Variants in TRPV6 observed in about 807,000 individuals in gnomAD.
TRPV6 encodes Alu-binding protein with zinc finger domain.
Under a neutral mutation model 79.0 loss-of-function variants are expected in TRPV6, and 39 were observed. The observed-to-expected ratio is 0.49, with a 90% CI of 0.38 to 0.64. The LOEUF is 0.64. TRPV6 is among the 30% of genes least tolerant of loss of function. The pLI is 0.00. For missense variants in TRPV6, 813 were observed against 1,011.1 expected (o/e 0.80, Z 2.66); for synonymous variants, 373 against 391.9 (o/e 0.95, Z 0.57).
At chr7:142,883,523 A>C (rs572525141) in intron 1 of TRPV6, 1 of 152,276 alleles carries the variant, frequency 6.6e-6, no homozygotes, top group South Asian at 2.1e-4. Context: ...CCCACCTTCC[A>C]TTATTGTTAC....
At position 142,871,765 on chromosome 7, in the gene TRPV6, A is replaced by G. The variant is rs767866257; in HGVS notation, c.2240T>C (p.Leu747Pro). ...CAGACCCCTGTTGATTATCCCACGC[A>G]GGTCTCTCCTCAGGGTCCCTTGCCG... Residue 747 changes from leucine (L) to proline (P), a missense_variant, in exon 15 of 15, where the codon CTG becomes CCG. Transcript: ENST00000359396. 1.9e-6 allele frequency: 3 copies of G among 1,614,108 alleles called. No individual in the cohort carries two copies. The highest frequency in any genetic ancestry group is 1.3e-5 in the African/African-American group (1 of 75,034).
chr7:142,885,555 G>T lies in TRPV6; in HGVS notation c.82C>A (p.Pro28Thr). 1 of 1,569,726 alleles carries T rather than the reference G, an allele frequency of 6.4e-7. No individual in the cohort carries two copies. The highest frequency in any genetic ancestry group is 1.4e-5 in the African/African-American group (1 of 73,836). Residue 28 changes from proline to threonine, a missense_variant, in exon 1 of 15, where the codon CCT becomes ACT. Physicochemically the swap from Pro to Thr is conservative, Grantham distance 38. Transcript: ENST00000359396. ...GGCTCCTTGGGGGCCTGAGGCCGAG[G>T]CCAGACCCTGACGGGACTCAGCCTT...
intron 12 of TRPV6, 41 bp downstream of exon 12, chr7:142,874,035 C>A (rs1160221874): frequency 1.2e-6 from 2 of 1,603,480 alleles, no homozygotes; most frequent in African/African-American, 2.7e-5. Flanking sequence ...ACTTCCTCAT[C>A]TCTTCCCTGC....
Position 142,875,551 on chromosome 7 carries a change from A to G in TRPV6, c.1159T>C (p.Cys387Arg), listed in dbSNP as rs1233622433. 1 of 1,613,180 alleles carries G rather than the reference A, an allele frequency of 6.2e-7. No homozygotes were observed. The highest frequency in any genetic ancestry group is 1.1e-5 in the South Asian group (1 of 91,042). The stretch of plus-strand genomic sequence containing the variant: ...CTGGGCTTGAGGGGGCGGTAGATGC[A>G]GCACATGGTGAAGCAGATGATGTAC... The change falls in exon 8 of 15, where the codon TGC becomes CGC. Residue 387 changes from cysteine (C) to arginine (R), a missense_variant. By Grantham distance (180) the Cys-to-Arg change is radical. This residue lies in a region of TRPV6 where 555 missense variants were observed against 631.0 expected (regional missense o/e 0.88). Transcript: ENST00000359396.
intron 13 of TRPV6, among the ~76,000 whole-genome samples, chr7:142,872,743 C>T (rs76582997): frequency 6.6e-6 from 1 of 152,090 alleles, no homozygotes; most frequent in East Asian, 1.9e-4. Flanking sequence ...ATATTTTGAC[C>T]CTACAGACAT....
chr7:142,874,391 C>A, intron 11 of TRPV6, 100 bp downstream of exon 11: 1 of 1,470,022 alleles, frequency 6.8e-7, no homozygotes. Flanking sequence ...CCATGTGTGG[C>A]TTGCAGAACC....
Position 142,873,843 on chromosome 7 carries a change from CTT to C in TRPV6, c.1640-129_1640-128del. ...ATCACCAGCTCTGCAGTGCTCCAAACTTTGGGTTTTTACGGTCCCTAGTTTTG... is the reference window on the plus strand; with the variant it reads ...ATCACCAGCTCTGCAGTGCTCCAAACTGGGTTTTTACGGTCCCTAGTTTTG... On this transcript the variant is annotated intron_variant, in intron 12 of 14. Transcript: ENST00000359396. This position sits in a 1 kb window ranked among gnomAD's most constrained non-coding sequence, Gnocchi z 4.8. The C allele has an allele frequency of 7.1e-7, 1 of 1,406,960 alleles. No homozygotes were observed. Among genetic ancestry groups the C allele is most frequent in the Non-Finnish European group, 9.8e-7 (1 of 1,025,538 alleles). The allele number at this position is 1,406,960 out of a possible 1,614,324, so 87.2% of individuals were successfully genotyped here. A position where few individuals can be genotyped will look rare whatever the true frequency, so the allele number is the denominator to read the frequency against.
At position 142,885,568 on chromosome 7, in the gene TRPV6, G is replaced by T; in HGVS notation, c.69C>A (p.Pro23=). 1 of 1,548,052 alleles carries T rather than the reference G, an allele frequency of 6.5e-7. No individual in the cohort carries two copies. Among genetic ancestry groups the T allele is most frequent in the Non-Finnish European group, 8.7e-7 (1 of 1,145,556 alleles). Reference sequence around the variant, plus strand: ...CCTGAGGCCGAGGCCAGACCCTGACGGGACTCAGCCTTGGGGCCACATCAG... The same window carrying T: ...CCTGAGGCCGAGGCCAGACCCTGACTGGACTCAGCCTTGGGGCCACATCAG... The change falls in exon 1 of 15, where the codon CCC becomes CCA. Residue 23 remains proline, a synonymous_variant. Transcript: ENST00000359396.
Position 142,872,427 on chromosome 7 carries a change from G to A in TRPV6, c.1960C>T (p.Pro654Ser). The A allele has an allele frequency of 6.2e-7, 1 of 1,614,210 alleles. No individual in the cohort carries two copies. Among genetic ancestry groups the A allele is most frequent in the Non-Finnish European group, 8.5e-7 (1 of 1,180,036 alleles). The change falls in exon 14 of 15, where the codon CCT becomes TCT. Residue 654 changes from proline to serine, a missense_variant. Physicochemically the swap from Pro to Ser is moderately conservative, Grantham distance 74. Coordinates refer to ENST00000359396, the MANE Select transcript of TRPV6 (RefSeq NM_018646.6). Reference sequence around the variant, plus strand: ...TCCCGTCCGCAGATCCCGGAGCGAGGCCACAGGCAGCGAGGCAGCTTCCGC... The same window carrying A: ...TCCCGTCCGCAGATCCCGGAGCGAGACCACAGGCAGCGAGGCAGCTTCCGC...
chr7:142,877,104 T>A, intron 4 of TRPV6, 38 bp downstream of exon 4: 1 of 1,596,270 alleles, frequency 6.3e-7, no homozygotes, highest in Non-Finnish European at 8.6e-7. Flanking sequence ...TGCCCACCTT[T>A]CCAACTGCCC....
At position 142,875,134 on chromosome 7, in the gene TRPV6, G is replaced by A. The variant is rs748307676; in HGVS notation, c.1273C>T (p.Arg425Trp). 5 of 1,613,922 alleles carry A rather than the reference G, an allele frequency of 3.1e-6. No individual in the cohort carries two copies. The highest frequency in any genetic ancestry group is 1.7e-5 in the Admixed American group (1 of 60,002). The stretch of plus-strand genomic sequence containing the variant: ...ACAGTCACCAGCTCCCCGACCAGCC[G>A]GATATCGTCCTTAGGGGTCATGTAG... The change falls in exon 9 of 15, where the codon CGG becomes TGG. Residue 425 changes from arginine to tryptophan, a missense_variant. Arg to Trp is a moderately radical substitution (Grantham distance 101). Around this residue, in one of 3 missense-constraint regions of TRPV6, gnomAD observed 555 missense variants for 631.0 expected, o/e 0.88. Transcript: ENST00000359396.
At position 142,871,816 on chromosome 7, in the gene TRPV6, C is replaced by T. The variant is rs548744029; in HGVS notation, c.2189G>A (p.Arg730His). ...AAGCCTTTCCCAATTGGCACTGCTG[C>T]GGGAGGTACTTCGAGACACTGAGGG... The change falls in exon 15 of 15, where the codon CGC (arginine) becomes CAC (histidine). Residue 730 changes from arginine to histidine, a missense_variant. This residue lies in a region of TRPV6 where 164 missense variants were observed against 186.1 expected (regional missense o/e 0.88). Transcript: ENST00000359396. 4.3e-6 allele frequency: 7 copies of T among 1,614,194 alleles called. No individual in the cohort carries two copies. Among genetic ancestry groups the T allele is most frequent in the Admixed American group, 1.7e-5 (1 of 60,026 alleles).
At chr7:142,876,382 C>A in intron 6 of TRPV6, 26 bp downstream of exon 6, 3 of 1,606,594 alleles carry the variant, frequency 1.9e-6, no homozygotes, top group Non-Finnish European at 2.6e-6. Flanking sequence ...TAGAAAGACA[C>A]CTCAGGGATG....
intron 1 of TRPV6, chr7:142,884,959 T>G (rs1477802601): frequency 6.5e-6 from 1 of 153,664 alleles, no homozygotes; most frequent in Non-Finnish European, 1.4e-5. Context: ...AATCGTTCAC[T>G]CATTCCTCCA....
At position 142,871,482 on chromosome 7, in the gene TRPV6, G is replaced by T. The variant is rs577511483; in HGVS notation, c.*225C>A. ...AGCAGGCCACAGGAGAGTTCCTCAC[G>T]CCCTGCCAGCCCCGTGCTTGGGCTG... On this transcript the variant is annotated 3_prime_UTR_variant, in exon 15 of 15. Coordinates refer to ENST00000359396, the MANE Select transcript of TRPV6 (RefSeq NM_018646.6). The T allele has an allele frequency of 3.6e-6, 2 of 561,594 alleles. No individual in the cohort carries two copies. The highest frequency in any genetic ancestry group is 6.7e-5 in the Admixed American group (2 of 29,802). 34.8% of individuals were successfully genotyped at this position (561,594 alleles called of 1,614,324 possible).
At position 142,871,547 on chromosome 7, in the gene TRPV6, T is replaced by C. The variant is rs574238641; in HGVS notation, c.*160A>G. On this transcript the variant is annotated 3_prime_UTR_variant, in exon 15 of 15. Coordinates refer to ENST00000359396, the MANE Select transcript of TRPV6 (RefSeq NM_018646.6). The stretch of plus-strand genomic sequence containing the variant: ...CAGAGCTGAAGGAGTAATGCAGGCC[T>C]GGAGCAGTGATTCTCAACGTACATT... 2.2e-5 allele frequency: 20 copies of C among 897,262 alleles called. No individual in the cohort carries two copies. The African/African-American group carries it at 2.9e-4, about 13-fold the overall frequency. The allele number at this position is 897,262 out of a possible 1,614,324, so 55.6% of individuals were successfully genotyped here.
rs1164204409 is a variant in TRPV6 at position 142,885,721 on chromosome 7, A to G, written c.-85T>C. 2 of 627,918 alleles carry G rather than the reference A, an allele frequency of 3.2e-6. No individual in the cohort carries two copies. The highest frequency in any genetic ancestry group is 5.1e-6 in the Non-Finnish European group (2 of 392,952). 38.9% of individuals were successfully genotyped at this position (627,918 alleles called of 1,614,324 possible). On this transcript the variant is annotated 5_prime_UTR_variant, in exon 1 of 15. Coordinates refer to ENST00000359396, the MANE Select transcript of TRPV6 (RefSeq NM_018646.6). ...TTGGAGAGGGCTGTGAGTTTGTTAC[A>G]CTTGGCAGAGCCAGCCAGGACTCTG...
In TRPV6 at chr7:142,876,600, G is replaced by C; in HGVS notation, c.707-17C>G. On this transcript the variant is annotated splice_polypyrimidine_tract_variant and intron_variant, in intron 5 of 14. Coordinates refer to ENST00000359396, the MANE Select transcript of TRPV6 (RefSeq NM_018646.6). ...CTGTGTTTCCTGGGGAGGACACAGG[G>C]TATCATGTGGCCACTGGCCTAAAGT... 6.2e-7 allele frequency: 1 copy of C among 1,613,770 alleles called. No individual in the cohort carries two copies. The highest frequency in any genetic ancestry group is 8.5e-7 in the Non-Finnish European group (1 of 1,179,786).
chr7:142,872,483 G>T lies in TRPV6; in HGVS notation c.1909-5C>A. 2 of 1,611,070 alleles carry T rather than the reference G, an allele frequency of 1.2e-6. No homozygotes were observed. Among genetic ancestry groups the T allele is most frequent in the Non-Finnish European group, 1.7e-6 (2 of 1,178,618 alleles). On this transcript the variant is annotated splice_polypyrimidine_tract_variant and splice_region_variant and intron_variant, in intron 13 of 14. Coordinates refer to ENST00000359396, the MANE Select transcript of TRPV6 (RefSeq NM_018646.6). ...CATCACTGTGGTGGCCACAATCTGC[G>T]TATGGGAACAAAAGGAGAAGTCAGA... is the stretch of plus-strand genomic sequence containing the variant.
Sources: gnomAD v4.1 joint callset for allele counts (sites outside exome capture counted in the v4.1 genomes callset) on GRCh38, gnomAD v4.1.1 for gene constraint, gnomAD v4.1.1 regional missense constraint, Gnocchi (gnomAD v3.1) non-coding constraint, MANE v1.5 for transcripts, NCBI Gene and HGNC (gene_info 2026-07-23, HGNC 2026-07-21) for gene names.